Variants in SLC16A13 observed in about 807,000 individuals in gnomAD.
SLC16A13 encodes solute carrier family 16 member 13.
Under a neutral mutation model 28.1 loss-of-function variants are expected in SLC16A13, and 28 were observed. The observed-to-expected ratio is 1.00, with a 90% CI of 0.74 to 1.37. The LOEUF is 1.37. SLC16A13 is among the 40% of genes most tolerant of loss of function. The pLI is 0.00. For synonymous variants in SLC16A13, 228 were observed against 241.6 expected (o/e 0.94, Z 0.52); for missense variants, 482 against 531.8 (o/e 0.91, Z 0.92).
rs1567732402 is a variant in SLC16A13 at position 7,038,213 on chromosome 17, C to A, written c.405C>A (p.Arg135=). ...TLACLSCYFS[R]RRSLATGLAL... ...CCTGCCTGTCCTGTTATTTCTCTCG[C>A]CGACGATCCCTGGCCACCGGGCTGG... is the stretch of plus-strand genomic sequence containing the variant. Residue 135 remains arginine, a synonymous_variant, in exon 3 of 4, where the codon CGC becomes CGA. Coordinates refer to ENST00000308027, the MANE Select transcript of SLC16A13 (RefSeq NM_201566.3). This position sits in a 1 kb window ranked among gnomAD's most constrained non-coding sequence, Gnocchi z 5.7. 1 of 1,614,170 alleles carries A rather than the reference C, an allele frequency of 6.2e-7. No individual in the cohort carries two copies. The highest frequency in any genetic ancestry group is 8.5e-7 in the Non-Finnish European group (1 of 1,180,046).
In SLC16A13 at chr17:7,038,792, G is replaced by A. The variant is rs33979567; in HGVS notation, c.984G>A (p.Val328=). The A allele has an allele frequency of 2.5e-6, 4 of 1,613,908 alleles. No individual in the cohort carries two copies. Among genetic ancestry groups the A allele is most frequent in the Admixed American group, 1.7e-5 (1 of 60,002 alleles). The change falls in exon 3 of 4, where the codon GTG becomes GTA. Residue 328 remains valine (V), a synonymous_variant. Transcript: ENST00000308027. The surrounding 1 kb of genome is among the most constrained non-coding windows in gnomAD (Gnocchi z 5.7). The part of the protein sequence containing the change: ...SGALAPLAFS[V]LPELIGTRRI... ...CTCTGGCCCCACTGGCCTTCTCCGT[G>A]CTGCCTGAACTAATAGGGACTAGAA...
chr17:7,039,817 C>A lies in SLC16A13; in HGVS notation c.1136C>A (p.Ala379Asp), dbSNP rs1218417431. 7.4e-6 allele frequency: 12 copies of A among 1,614,034 alleles called. No individual in the cohort carries two copies. The highest frequency in any genetic ancestry group is 3.3e-5 in the Admixed American group (2 of 59,992). ...ACGGCTTCTTTTGTGGTGGCTGGGG[C>A]CTTCCTTCTTTCAGGGAGTGGCATT... ...NYTASFVVAG[A>D]FLLSGSGILL... The change falls in exon 4 of 4, where the codon GCC becomes GAC. Residue 379 changes from alanine to aspartate, a missense_variant. Coordinates refer to ENST00000308027, the MANE Select transcript of SLC16A13 (RefSeq NM_201566.3). This position sits in a 1 kb window ranked among gnomAD's most constrained non-coding sequence, Gnocchi z 4.3.
Position 7,040,068 on chromosome 17 carries a change from C to A in SLC16A13, c.*106C>A. 1.9e-6 allele frequency: 2 copies of A among 1,043,840 alleles called. No individual in the cohort carries two copies. The highest frequency in any genetic ancestry group is 2.8e-6 in the Non-Finnish European group (2 of 707,270). The allele number at this position is 1,043,840 out of a possible 1,614,324, so 64.7% of individuals were successfully genotyped here. A position where few individuals can be genotyped will look rare whatever the true frequency, so the allele number is the denominator to read the frequency against. The stretch of plus-strand genomic sequence containing the variant: ...ACAGTGCCTTAAGATTCTTGATCTG[C>A]CTCCCCCTAGAGCAGGCCTGGGGCT... On this transcript the variant is annotated 3_prime_UTR_variant, in exon 4 of 4. Transcript: ENST00000308027.
intron 1 of SLC16A13, 52 bp downstream of exon 1, chr17:7,036,633 A>G (rs555827547): frequency 6.2e-7 from 1 of 1,609,932 alleles, no homozygotes; most frequent in Non-Finnish European, 8.5e-7. Context: ...AGGGAGAGGG[A>G]ATGCGGCGAC....
In SLC16A13 at chr17:7,038,550, C is replaced by T; in HGVS notation, c.742C>T (p.Pro248Ser). The T allele has an allele frequency of 1.2e-6, 2 of 1,614,228 alleles. No homozygotes were observed. Among genetic ancestry groups the T allele is most frequent in the Non-Finnish European group, 8.5e-7 (1 of 1,180,038 alleles). Reference sequence around the variant, plus strand: ...CCATCTCCAGGACCTGGATTGGGACCCACTACCTGCTGCCTTCCTACTCTC... The same window carrying T: ...CCATCTCCAGGACCTGGATTGGGACTCACTACCTGCTGCCTTCCTACTCTC... ...VAHLQDLDWD[P>S]LPAAFLLSVV... is the part of the protein sequence containing the mutation. Residue 248 changes from proline to serine, a missense_variant, in exon 3 of 4, where the codon CCA becomes TCA. Physicochemically the swap from Pro to Ser is moderately conservative, Grantham distance 74 (BLOSUM62 -1). Coordinates refer to ENST00000308027, the MANE Select transcript of SLC16A13 (RefSeq NM_201566.3). The surrounding 1 kb of genome is among the most constrained non-coding windows in gnomAD (Gnocchi z 5.7).
At chr17:7,036,686 A>G (rs1213719119) in intron 1 of SLC16A13, 41 bp from the exon 2 acceptor site, 1 of 1,605,282 alleles carries the variant, frequency 6.2e-7, no homozygotes, top group Non-Finnish European at 8.5e-7. Flanking sequence ...TGGGGGGGAG[A>G]CCCCTGAGAT....
At position 7,039,446 on chromosome 17, in the gene SLC16A13, C is replaced by T. The variant is rs1240833532; in HGVS notation, c.1082-317C>T. 1.4e-5 allele frequency among the ~76,000 whole-genome samples: 2 copies of T among 144,548 alleles called. No homozygotes were observed. The highest frequency in any genetic ancestry group is 3.0e-5 in the Non-Finnish European group (2 of 67,198). The allele number at this position is 144,548 out of a possible 152,430, so 94.8% of individuals were successfully genotyped here. A position where few individuals can be genotyped will look rare whatever the true frequency, so the allele number is the denominator to read the frequency against. The stretch of plus-strand genomic sequence containing the variant: ...CTGCACTTCAGCCTGGGCGACAGAG[C>T]GAGACTCCGTCTCAAAAAAAAAAAA... On this transcript the variant is annotated intron_variant, in intron 3 of 3. Transcript: ENST00000308027. The surrounding 1 kb of genome is among the most constrained non-coding windows in gnomAD (Gnocchi z 4.3).
intron 2 of SLC16A13, among the ~76,000 whole-genome samples, chr17:7,037,647 A>G (rs889753345): frequency 6.6e-6 from 1 of 151,208 alleles, no homozygotes; most frequent in Non-Finnish European, 1.5e-5. Flanking sequence ...AATGGTGTGA[A>G]CCCGGGAAGC....
At chr17:7,036,984 C>T (rs1230754266) in intron 2 of SLC16A13, 114 bp downstream of exon 2, 1 of 1,273,472 alleles carries the variant, frequency 7.9e-7, no homozygotes, top group African/African-American at 1.5e-5. Context: ...TTAGCTAGCA[C>T]CTGTACCCAG....
intron 1 of SLC16A13, 43 bp from the exon 2 acceptor site, chr17:7,036,683 GA>G: frequency 6.2e-7 from 1 of 1,606,942 alleles, no homozygotes; most frequent in South Asian, 1.1e-5. Context: ...TGCTGGGGGG[GA>G]GACCCCTGAG....
In SLC16A13 at chr17:7,040,073, C is replaced by A; in HGVS notation, c.*111C>A. ...GCCTTAAGATTCTTGATCTGCCTCC[C>A]CCTAGAGCAGGCCTGGGGCTCCTGC... On this transcript the variant is annotated 3_prime_UTR_variant, in exon 4 of 4. Transcript: ENST00000308027. 2 of 985,464 alleles carry A rather than the reference C, an allele frequency of 2.0e-6. No homozygotes were observed. The highest frequency in any genetic ancestry group is 3.0e-6 in the Non-Finnish European group (2 of 659,294). The allele number at this position is 985,464 out of a possible 1,614,324, so 61.0% of individuals were successfully genotyped here. A position where few individuals can be genotyped will look rare whatever the true frequency, so the allele number is the denominator to read the frequency against.
rs770823108 is a variant in SLC16A13 at position 7,036,467 on chromosome 17, G to A, written c.85G>A (p.Gly29Arg). 6.2e-7 allele frequency: 1 copy of A among 1,612,256 alleles called. No homozygotes were observed. ...GTTCTTCCAGTCGGCGCTTGTGTTT[G>A]GGGTGCTCCGCTCCTTTGGGGTCTT... is the stretch of plus-strand genomic sequence containing the variant. The part of the protein sequence containing the change: ...SAFFQSALVF[G>R]VLRSFGVFFV... Residue 29 changes from glycine (G) to arginine (R), a missense_variant, in exon 1 of 4, where the codon GGG becomes AGG. Physicochemically the swap from Gly to Arg is moderately radical, Grantham distance 125. Transcript: ENST00000308027.
At position 7,039,216 on chromosome 17, in the gene SLC16A13, A is replaced by G. The variant is rs1201985188; in HGVS notation, c.1081+327A>G. On this transcript the variant is annotated intron_variant, in intron 3 of 3. Transcript: ENST00000308027. This position sits in a 1 kb window ranked among gnomAD's most constrained non-coding sequence, Gnocchi z 4.3. ...CTTTCCTTTGGCCTACTGGGCCCCA[A>G]ACCAGGTATCTGAGGCACCTGGTCA... Among the ~76,000 whole-genome samples the G allele has an allele frequency of 2.4e-4, 36 of 152,288 alleles. No individual in the cohort carries two copies. The highest frequency in any genetic ancestry group is 1.9e-4 in the East Asian group (1 of 5,186).
At position 7,038,222 on chromosome 17, in the gene SLC16A13, C is replaced by A; in HGVS notation, c.414C>A (p.Ser138=). The A allele has an allele frequency of 6.2e-7, 1 of 1,614,158 alleles. No homozygotes were observed. The highest frequency in any genetic ancestry group is 8.5e-7 in the Non-Finnish European group (1 of 1,180,032). The change falls in exon 3 of 4, where the codon TCC becomes TCA. Residue 138 remains serine (S), a synonymous_variant. Transcript: ENST00000308027. The surrounding 1 kb of genome is among the most constrained non-coding windows in gnomAD (Gnocchi z 5.7). The part of the protein sequence containing the change: ...CLSCYFSRRR[S]LATGLALTGV... Reference sequence around the variant, plus strand: ...CCTGTTATTTCTCTCGCCGACGATCCCTGGCCACCGGGCTGGCACTGACAG... The same window carrying A: ...CCTGTTATTTCTCTCGCCGACGATCACTGGCCACCGGGCTGGCACTGACAG...
At position 7,038,541 on chromosome 17, in the gene SLC16A13, G is replaced by C. The variant is rs1158607997; in HGVS notation, c.733G>C (p.Asp245His). Residue 245 changes from aspartate (D) to histidine (H), a missense_variant, in exon 3 of 4, where the codon GAT (aspartate) becomes CAT (histidine). By Grantham distance (81) the Asp-to-His change is moderately conservative. Coordinates refer to ENST00000308027, the MANE Select transcript of SLC16A13 (RefSeq NM_201566.3). The surrounding 1 kb of genome is among the most constrained non-coding windows in gnomAD (Gnocchi z 5.7). ...LHLVAHLQDL[D>H]WDPLPAAFLL... ...CCTGGTGGCCCATCTCCAGGACCTG[G>C]ATTGGGACCCACTACCTGCTGCCTT... is the stretch of plus-strand genomic sequence containing the variant. The C allele has an allele frequency of 1.2e-6, 2 of 1,614,198 alleles. No homozygotes were observed. The highest frequency in any genetic ancestry group is 2.2e-5 in the East Asian group (1 of 44,888).
rs755659836 is a variant in SLC16A13, at chr17:7,039,959, C to T, written c.1278C>T (p.Asp426=). 5 of 1,613,208 alleles carry T rather than the reference C, an allele frequency of 3.1e-6. No individual in the cohort carries two copies. The South Asian group carries it at 5.5e-5, about 18-fold the overall frequency. ...VPLPKEGLEE[D] ...TACCCAAGGAGGGGCTGGAAGAGGA[C>T]TGAACTCCACAGAGTCAGGCCCAGA... is the stretch of plus-strand genomic sequence containing the variant. The change falls in exon 4 of 4, where the codon GAC becomes GAT. Residue 426 remains aspartate, a synonymous_variant. Coordinates refer to ENST00000308027, the MANE Select transcript of SLC16A13 (RefSeq NM_201566.3). This position sits in a 1 kb window ranked among gnomAD's most constrained non-coding sequence, Gnocchi z 4.3.
Position 7,039,698 on chromosome 17 carries a change from T to G in SLC16A13, c.1082-65T>G. On this transcript the variant is annotated intron_variant, in intron 3 of 3. Transcript: ENST00000308027. This position sits in a 1 kb window ranked among gnomAD's most constrained non-coding sequence, Gnocchi z 4.3. ...TAAGTCTTCCCTCCACCCAAAAATG[T>G]ATCTGAGCCCTCAGCCCCAGCAAAT... 1 of 1,556,850 alleles carries G rather than the reference T, an allele frequency of 6.4e-7. No individual in the cohort carries two copies. Among genetic ancestry groups the G allele is most frequent in the South Asian group, 1.1e-5 (1 of 89,054 alleles).
At position 7,036,145 on chromosome 17, in the gene SLC16A13, G is replaced by T; in HGVS notation, c.-238G>T. The T allele has an allele frequency of 2.1e-6, 1 of 465,812 alleles. No individual in the cohort carries two copies. Among genetic ancestry groups the T allele is most frequent in the Non-Finnish European group, 3.8e-6 (1 of 262,978 alleles). The allele number at this position is 465,812 out of a possible 1,614,324, so 28.9% of individuals were successfully genotyped here. A position where few individuals can be genotyped will look rare whatever the true frequency, so the allele number is the denominator to read the frequency against. ...CTCAGCTCCGAGCTCGCGGAACCAC[G>T]CCCCCGGGAGACTCTGGCCCGGCCA... On this transcript the variant is annotated 5_prime_UTR_variant, in exon 1 of 4. Transcript: ENST00000308027.
rs145936915 is a variant in SLC16A13, at chr17:7,038,321, C to T, written c.513C>T (p.Ser171=). ...WLLSHYAWRG[S]LLLVSALSLH... ...TCAGCCACTACGCCTGGAGGGGGTCCCTGCTGCTGGTGTCTGCCCTCTCCC... is the reference window on the plus strand; with the variant it reads ...TCAGCCACTACGCCTGGAGGGGGTCTCTGCTGCTGGTGTCTGCCCTCTCCC... The change falls in exon 3 of 4, where the codon TCC becomes TCT. Residue 171 remains serine (S), a synonymous_variant. Coordinates refer to ENST00000308027, the MANE Select transcript of SLC16A13 (RefSeq NM_201566.3). This position sits in a 1 kb window ranked among gnomAD's most constrained non-coding sequence, Gnocchi z 5.7. The T allele has an allele frequency of 8.1e-6, 13 of 1,614,000 alleles. No homozygotes were observed. The highest frequency in any genetic ancestry group is 1.7e-5 in the Admixed American group (1 of 59,992).
Sources: allele counts gnomAD v4.1 joint callset (sites outside exome capture counted in the v4.1 genomes callset), GRCh38; gene constraint gnomAD v4.1.1; non-coding constraint Gnocchi (gnomAD v3.1); transcripts MANE v1.5; gene names NCBI Gene and HGNC (gene_info 2026-07-23, HGNC 2026-07-21).